PALD1: variants seen among roughly 807,000 people sequenced by gnomAD.
The protein encoded by PALD1 is paladin.
PALD1 carries 57 observed loss-of-function variants against 96.0 expected under a neutral mutation model. The ratio of observed to expected loss-of-function variants is 0.59; its 90% CI spans 0.48 to 0.74. PALD1 has a LOEUF of 0.74. Ranked by LOEUF, PALD1 falls within the 30% of genes least tolerant of loss-of-function variation. PALD1 has a pLI of 0.00. For missense variants in PALD1, 1,063 were observed against 1,143.7 expected, an observed-to-expected ratio of 0.93 and a Z score of 1.02; for synonymous variants, 464 against 473.6, an observed-to-expected ratio of 0.98 and a Z score of 0.26.
At position 70,558,765 on chromosome 10, in the gene PALD1, TAAAG is replaced by T. The variant is rs1427873734; in HGVS notation, c.2263-5594_2263-5591del. Among the ~76,000 whole-genome samples the T allele has an allele frequency of 7.2e-5, 11 of 152,036 alleles. No homozygotes were observed. The South Asian group carries it at 8.3e-4, about 11-fold the overall frequency. ...GTTTTAAGAGAAAGTATGTAAAAGG[TAAAG>T]AAAGGCAGATTTTTAGAGAAAGTAT... is the stretch of plus-strand genomic sequence containing the variant. On this transcript the variant is annotated intron_variant, in intron 18 of 19. Coordinates refer to ENST00000263563, the MANE Select transcript of PALD1 (RefSeq NM_014431.3).
Position 70,564,363 on chromosome 10 carries a change from GGCGA to G in PALD1, c.2263_2266del (p.Ala755ArgfsTer26). On this transcript the variant is annotated frameshift_variant and splice_region_variant, in exon 19 of 20. Transcript: ENST00000263563. LOFTEE classifies it high-confidence loss of function. The stretch of plus-strand genomic sequence containing the variant: ...TGACCCCACCCTGTCCTGTCCTCCA[GGCGA>G]AGGCAGCGAAAGAGGCGCAAGAAAT... 3 of 1,612,008 alleles carry G rather than the reference GGCGA, an allele frequency of 1.9e-6. No individual in the cohort carries two copies. The highest frequency in any genetic ancestry group is 2.5e-6 in the Non-Finnish European group (3 of 1,178,948).
chr10:70,502,061 G>A (rs966020862), intron 1 of PALD1, among the ~76,000 whole-genome samples: 1 of 151,766 alleles, frequency 6.6e-6, no homozygotes, highest in African/African-American at 2.4e-5. Context: ...TGCCCTGGGA[G>A]ACTGAGGCAG....
chr10:70,554,884 G>C (rs1230902461), intron 18 of PALD1, among the ~76,000 whole-genome samples: 4 of 120,560 alleles, frequency 3.3e-5, no homozygotes. Flanking sequence ...CTTTAACTTT[G>C]AGCAGTGCTT....
chr10:70,566,842 C>A lies in PALD1; in HGVS notation c.*109C>A. 3.0e-6 allele frequency: 2 copies of A among 673,514 alleles called. No individual in the cohort carries two copies. The highest frequency in any genetic ancestry group is 4.9e-6 in the Non-Finnish European group (2 of 407,394). 41.7% of individuals were successfully genotyped at this position (673,514 alleles called of 1,614,324 possible). A position where few individuals can be genotyped will look rare whatever the true frequency, so the allele number is the denominator to read the frequency against. On this transcript the variant is annotated 3_prime_UTR_variant, in exon 20 of 20. Transcript: ENST00000263563. ...GAGGGGTGCTGGCCTTGAAATGATTCCCCCACTTCCTGGAGAGACTGAGCG... is the reference window on the plus strand; with the variant it reads ...GAGGGGTGCTGGCCTTGAAATGATTACCCCACTTCCTGGAGAGACTGAGCG...
intron 1 of PALD1, among the ~76,000 whole-genome samples, chr10:70,508,541 C>T (rs1313109639): frequency 6.6e-6 from 1 of 152,136 alleles, no homozygotes; most frequent in Non-Finnish European, 1.5e-5. Flanking sequence ...GTCACTGGCC[C>T]CAGCTGGACG....
intron 17 of PALD1, among the ~76,000 whole-genome samples, chr10:70,544,400 G>T (rs113746315): frequency 6.6e-6 from 1 of 152,126 alleles, no homozygotes; most frequent in East Asian, 1.9e-4. Context: ...GACCTTGACC[G>T]TGAGGCCAGG....
intron 17 of PALD1, among the ~76,000 whole-genome samples, chr10:70,543,766 CT>C (rs991203012): frequency 2.0e-5 from 3 of 152,140 alleles, no homozygotes; most frequent in Admixed American, 6.5e-5. Flanking sequence ...CAGGCCTCTC[CT>C]TCTTCACACC....
Position 70,526,027 on chromosome 10 carries a change from A to T in PALD1, c.76A>T (p.Thr26Ser), listed in dbSNP as rs780324019. 1.2e-6 allele frequency: 2 copies of T among 1,614,044 alleles called. No homozygotes were observed. The highest frequency in any genetic ancestry group is 1.7e-6 in the Non-Finnish European group (2 of 1,180,016). Residue 26 changes from threonine to serine, a missense_variant, in exon 2 of 20, where the codon ACG becomes TCG. By Grantham distance (58) the Thr-to-Ser change is moderately conservative (BLOSUM62 1). Coordinates refer to ENST00000263563, the MANE Select transcript of PALD1 (RefSeq NM_014431.3). ...TPFEGLQGSG[T>S]MDSRHSVSIH... ...ATTTGAGGGCCTACAGGGCAGTGGC[A>T]CGATGGACAGTCGGCACTCCGTCAG...
chr10:70,546,219 AGG>A (rs1847359063), intron 17 of PALD1, among the ~76,000 whole-genome samples: 1 of 152,204 alleles, frequency 6.6e-6, no homozygotes, highest in Non-Finnish European at 1.5e-5. Flanking sequence ...ACTGGGTGAC[AGG>A]GCGAGACTCC....
At position 70,493,102 on chromosome 10, in the gene PALD1, G is replaced by A. The variant is rs111798100; in HGVS notation, c.-30+14043G>A. ...CTGCCCCCCTACCTTGGCTCATTCC[G>A]GCCCTTTCCAGCTGCCGCTGCTGCT... On this transcript the variant is annotated intron_variant, in intron 1 of 19. Coordinates refer to ENST00000263563, the MANE Select transcript of PALD1 (RefSeq NM_014431.3). Among the ~76,000 whole-genome samples, 63 of 152,246 alleles carry A rather than the reference G, an allele frequency of 4.1e-4. No homozygotes were observed. In the South Asian group the frequency reaches 0.012, roughly 28 times the overall value.
rs770531775 is a variant in PALD1, at chr10:70,566,711, C to T, written c.2549C>T (p.Ser850Phe). Residue 850 changes from serine (S) to phenylalanine (F), a missense_variant, in exon 20 of 20, where the codon TCT becomes TTT. By Grantham distance (155) the Ser-to-Phe change is radical. Coordinates refer to ENST00000263563, the MANE Select transcript of PALD1 (RefSeq NM_014431.3). ...WQEQSCSLEP[S>F]APEDLL ...GAGCAGAGCTGCAGCCTCGAGCCCT[C>T]TGCCCCCGAGGACTTGCTGTAGGGG... is the stretch of plus-strand genomic sequence containing the variant. 6.2e-7 allele frequency: 1 copy of T among 1,602,674 alleles called. No individual in the cohort carries two copies.
chr10:70,542,185 T>TG (rs1430856586), intron 17 of PALD1, among the ~76,000 whole-genome samples: 1 of 152,240 alleles, frequency 6.6e-6, no homozygotes, highest in East Asian at 1.9e-4. Context: ...ACCTCACACT[T>TG]GCTAAGCTCT....
At chr10:70,525,287 T>C (rs1846832866) in intron 1 of PALD1, among the ~76,000 whole-genome samples, 1 of 152,024 alleles carries the variant, frequency 6.6e-6, no homozygotes, top group Middle Eastern at 3.2e-3. Context: ...GCTGGGATTA[T>C]AGGCATGAGC....
intron 17 of PALD1, among the ~76,000 whole-genome samples, chr10:70,546,768 G>A (rs1200126115): frequency 6.6e-6 from 1 of 152,188 alleles, no homozygotes; most frequent in Non-Finnish European, 1.5e-5. Flanking sequence ...TGGGCAACAT[G>A]CCAAAACCCC....
chr10:70,532,924 C>T, intron 6 of PALD1, 71 bp from the exon 7 acceptor site: 1 of 1,521,580 alleles, frequency 6.6e-7, no homozygotes. Context: ...CAAACAGTGC[C>T]CGGGAATAGG....
At chr10:70,564,561 C>G (rs561838979) in intron 19 of PALD1, 42 bp downstream of exon 19, 1 of 1,593,524 alleles carries the variant, frequency 6.3e-7, no homozygotes, top group South Asian at 1.1e-5. Context: ...GGCGATGGCT[C>G]CTGCAGATGG....
intron 1 of PALD1, among the ~76,000 whole-genome samples, chr10:70,498,978 C>CA (rs1479962675): frequency 6.6e-6 from 1 of 151,626 alleles, no homozygotes; most frequent in Admixed American, 6.6e-5. Flanking sequence ...GTGAGGGGGT[C>CA]AGCTTGATGG....
chr10:70,558,692 TAAGAATTTGCTAAAATTCTTC>T (rs935101472), intron 18 of PALD1, among the ~76,000 whole-genome samples: 4 of 123,352 alleles, frequency 3.2e-5, no homozygotes, highest in African/African-American at 1.1e-4. Flanking sequence ...CAAATTCTTG[TAAGAATTTGCTAAAATTCTTC>T]TTACTAAAGA....
intron 1 of PALD1, among the ~76,000 whole-genome samples, chr10:70,512,210 A>G (rs934752046): frequency 6.6e-6 from 1 of 152,198 alleles, no homozygotes; most frequent in African/African-American, 2.4e-5. Flanking sequence ...AGGTCGCTGC[A>G]AGGGAGGTGG....
Sources: allele counts gnomAD v4.1 joint callset (sites outside exome capture counted in the v4.1 genomes callset), GRCh38; gene constraint gnomAD v4.1.1; transcripts MANE v1.5; gene names NCBI Gene and HGNC (gene_info 2026-07-23, HGNC 2026-07-21).